SYT16: variants seen among roughly 807,000 people sequenced by gnomAD.
SYT16 encodes the protein synaptotagmin 16.
Under a neutral mutation model 61.4 loss-of-function variants are expected in SYT16, and 42 were observed. The observed-to-expected ratio is 0.68, with a 90% CI of 0.53 to 0.89. The LOEUF is 0.89. Ranked by LOEUF, SYT16 falls within the 40% of genes least tolerant of loss-of-function variation. The pLI, the probability that SYT16 is intolerant of heterozygous loss-of-function variation, is 0.00. For missense variants in SYT16, 804 were observed against 807.3 expected (o/e 1.00, Z 0.05); for synonymous variants, 314 against 302.3 (o/e 1.04, Z -0.40).
In SYT16 at chr14:61,996,301, T is replaced by A; in HGVS notation, c.282T>A (p.Cys94Ter). ...LFLEVDHFSCCNSDLQDSAQN... is the reference protein window; with the variant it reads ...LFLEVDHFSC Reference sequence around the variant, plus strand: ...TTGAAGTGGATCATTTCTCATGTTGTAATAGTGATTTGCAGGACTCTGCCC... The same window carrying A: ...TTGAAGTGGATCATTTCTCATGTTGAAATAGTGATTTGCAGGACTCTGCCC... Residue 94 changes from cysteine (C) to a stop codon, truncating the protein, a stop_gained, in exon 3 of 8, where the codon TGT (cysteine) becomes TGA (stop). Transcript: ENST00000683842. LOFTEE classifies it high-confidence loss of function. 6.2e-7 allele frequency: 1 copy of A among 1,613,550 alleles called. No homozygotes were observed. The highest frequency in any genetic ancestry group is 1.1e-5 in the South Asian group (1 of 91,070).
intron 2 of SYT16, among the ~76,000 whole-genome samples, chr14:61,990,123 A>T (rs1369682976): frequency 6.6e-6 from 1 of 152,186 alleles, no homozygotes; most frequent in South Asian, 2.1e-4. Context: ...ACTCCTTTGA[A>T]TCATGTTAAA....
At chr14:61,815,807 A>G (rs533416973) in intron 1 of SYT16, among the ~76,000 whole-genome samples, 32 of 152,304 alleles carry the variant, frequency 2.1e-4, no homozygotes, top group African/African-American at 7.7e-4. Flanking sequence ...TATTCCAGAT[A>G]ATATTTTGTT....
chr14:61,850,269 G>A (rs2046573826), intron 1 of SYT16, among the ~76,000 whole-genome samples: 1 of 151,846 alleles, frequency 6.6e-6, no homozygotes, highest in Non-Finnish European at 1.5e-5. Context: ...CTAGTAGCTG[G>A]GATTACAGGC....
chr14:61,904,849 C>T (rs965805257), intron 1 of SYT16, among the ~76,000 whole-genome samples: 11 of 152,114 alleles, frequency 7.2e-5, no homozygotes, highest in African/African-American at 2.2e-4. Flanking sequence ...ATTAGCAGCT[C>T]CTAATCATAA....
chr14:61,893,967 C>G (rs2048230272), intron 1 of SYT16, among the ~76,000 whole-genome samples: 1 of 152,186 alleles, frequency 6.6e-6, no homozygotes, highest in South Asian at 2.1e-4. Flanking sequence ...GAGAAGGCTC[C>G]TCAGTTCTAC....
At chr14:62,042,769 T>C (rs1459607865) in intron 3 of SYT16, among the ~76,000 whole-genome samples, 1 of 152,198 alleles carries the variant, frequency 6.6e-6, no homozygotes, top group Non-Finnish European at 1.5e-5. Flanking sequence ...GTCCTTGACC[T>C]CCCTGGACAT....
chr14:62,037,545 C>T (rs941990304), intron 3 of SYT16, among the ~76,000 whole-genome samples: 1 of 152,038 alleles, frequency 6.6e-6, no homozygotes, highest in Non-Finnish European at 1.5e-5. Context: ...TTTTTCTTGT[C>T]GTTAAGATTG....
intron 5 of SYT16, among the ~76,000 whole-genome samples, chr14:62,077,033 A>C (rs2056520828): frequency 6.6e-6 from 1 of 152,186 alleles, no homozygotes; most frequent in Admixed American, 6.5e-5. Flanking sequence ...CTCAAATCCA[A>C]CTCGGAGGCA....
chr14:62,077,971 C>T (rs900605751), intron 5 of SYT16, among the ~76,000 whole-genome samples: 1 of 152,074 alleles, frequency 6.6e-6, no homozygotes, highest in Non-Finnish European at 1.5e-5. Flanking sequence ...AATATTTTTA[C>T]CTTGGCATTG....
At chr14:61,960,364 T>G (rs895399243) in intron 1 of SYT16, among the ~76,000 whole-genome samples, 2 of 152,230 alleles carry the variant, frequency 1.3e-5, no homozygotes, top group Non-Finnish European at 2.9e-5. Flanking sequence ...GTTTGTGTCA[T>G]CTCTAATTTC....
chr14:61,964,811 C>A lies in SYT16; in HGVS notation c.-324-5321C>A, dbSNP rs1439365224. 1.3e-5 allele frequency among the ~76,000 whole-genome samples: 2 copies of A among 151,970 alleles called. 1 individual carries two copies. Among genetic ancestry groups the A allele is most frequent in the South Asian group, 4.1e-4 (2 of 4,830 alleles). ...AGCCACCCCAACCTTCAGCAACTAC[C>A]TGTCCTGATCATTCAACAGCCATAA... On this transcript the variant is annotated intron_variant, in intron 1 of 7. Transcript: ENST00000683842.
chr14:62,051,329 A>G (rs1027764611), intron 3 of SYT16, among the ~76,000 whole-genome samples: 2 of 152,190 alleles, frequency 1.3e-5, no homozygotes, highest in Non-Finnish European at 2.9e-5. Flanking sequence ...AAAGTGCAGT[A>G]TTAGGGTGGG....
rs1376929664 is a variant in SYT16, at chr14:61,832,389, C to CT, written c.-325+19579_-325+19580insT. The CT allele has an allele frequency of 5.4e-5, 29 of 536,434 alleles. No individual in the cohort carries two copies. The African/African-American group carries it at 5.5e-4, about 10-fold the overall frequency. The allele number at this position is 536,434 out of a possible 1,614,324, so 33.2% of individuals were successfully genotyped here. A position where few individuals can be genotyped will look rare whatever the true frequency, so the allele number is the denominator to read the frequency against. On this transcript the variant is annotated intron_variant, in intron 1 of 7. Transcript: ENST00000683842. Reference sequence around the variant, plus strand: ...CAACATTCTGCCGCAGCTGCCCCACCACCGCCGCCCTCTATGCCCGGTGTC... The same window carrying CT: ...CAACATTCTGCCGCAGCTGCCCCACCTACCGCCGCCCTCTATGCCCGGTGTC...
chr14:62,077,463 A>C (rs1446873378), intron 5 of SYT16: 4 of 152,202 alleles, frequency 2.6e-5, no homozygotes, highest in African/African-American at 9.6e-5. Flanking sequence ...CAGGAAAGAC[A>C]ATGGGAGTGT....
chr14:61,842,247 G>T (rs1176756744), intron 1 of SYT16, among the ~76,000 whole-genome samples: 1 of 152,084 alleles, frequency 6.6e-6, no homozygotes, highest in Admixed American at 6.6e-5. Flanking sequence ...TTACCCTGTT[G>T]TGCTAGCAAA....
chr14:61,979,792 G>C (rs2051987940), intron 2 of SYT16, among the ~76,000 whole-genome samples: 1 of 152,108 alleles, frequency 6.6e-6, no homozygotes, highest in South Asian at 2.1e-4. Context: ...TGAGGCCGGA[G>C]AATCACTTGA....
In SYT16 at chr14:61,955,943, C is replaced by T. The variant is rs114356496; in HGVS notation, c.-324-14189C>T. Among the ~76,000 whole-genome samples, 1,372 of 152,096 alleles carry T rather than the reference C, an allele frequency of 9.0e-3. 26 individuals are homozygous for T. The highest frequency in any genetic ancestry group is 0.031 in the African/African-American group (1,306 of 41,534). ...GGGTTCCCTTTTCTTCATATCCTCC[C>T]CAACACTTGCTCCTTTTTTCTTTTA... On this transcript the variant is annotated intron_variant, in intron 1 of 7. Coordinates refer to ENST00000683842, the MANE Select transcript of SYT16 (RefSeq NM_001367656.1).
At chr14:62,044,944 C>T (rs1333247125) in intron 3 of SYT16, among the ~76,000 whole-genome samples, 1 of 152,148 alleles carries the variant, frequency 6.6e-6, no homozygotes, top group Non-Finnish European at 1.5e-5. Context: ...TCGAGACCAG[C>T]CTGGCCAACG....
chr14:62,042,149 G>C (rs61612833), intron 3 of SYT16, among the ~76,000 whole-genome samples: 13 of 151,902 alleles, frequency 8.6e-5, no homozygotes, highest in African/African-American at 3.1e-4. Flanking sequence ...TATCTTTTCT[G>C]CATCCCTAAA....
Sources: gnomAD v4.1 joint callset for allele counts (sites outside exome capture counted in the v4.1 genomes callset) on GRCh38, gnomAD v4.1.1 for gene constraint, MANE v1.5 for transcripts, NCBI Gene and HGNC (gene_info 2026-07-23, HGNC 2026-07-21) for gene names.